The following NRP2 variants were observed in gnomAD, a reference collection of about 807,000 sequenced individuals.
NRP2 encodes neuropilin 2, also known as neuropilin-2.
NRP2 carries 52 observed loss-of-function variants against 110.4 expected under a neutral mutation model. The ratio of observed to expected loss-of-function variants is 0.47; its 90% CI spans 0.38 to 0.59. NRP2 has a LOEUF of 0.59. NRP2 is among the 20% of genes least tolerant of loss of function. NRP2 has a pLI of 0.00. For missense variants in NRP2, 1,049 were observed against 1,203.0 expected (o/e 0.87, Z 1.89); for synonymous variants, 508 against 468.9 (o/e 1.08, Z -1.08).
chr2:205,747,472 A>G (rs2057558829), intron 10 of NRP2, among the ~76,000 whole-genome samples: 1 of 152,250 alleles, frequency 6.6e-6, no homozygotes, highest in Admixed American at 6.5e-5. Context: ...CAAACCTGTT[A>G]TGATAAATAA....
intron 1 of NRP2, among the ~76,000 whole-genome samples, chr2:205,688,714 GT>G (rs1473413895): frequency 6.6e-6 from 1 of 152,104 alleles, no homozygotes; most frequent in East Asian, 1.9e-4. Context: ...CAGACCAGCT[GT>G]GCTATAAAAA....
chr2:205,683,232 A>C lies in NRP2; in HGVS notation c.-59A>C. ...GGAGGAAAATAAAAGAGAGAAAAAC[A>C]CAAAGATTTAAACAAGAAACCTACG... On this transcript the variant is annotated 5_prime_UTR_variant, in exon 1 of 17. Coordinates refer to ENST00000357785, the MANE Select transcript of NRP2 (RefSeq NM_003872.3). 1 of 1,258,346 alleles carries C rather than the reference A, an allele frequency of 7.9e-7. No individual in the cohort carries two copies. Among genetic ancestry groups the C allele is most frequent in the Non-Finnish European group, 1.2e-6 (1 of 861,918 alleles). The allele number at this position is 1,258,346 out of a possible 1,614,324, so 77.9% of individuals were successfully genotyped here.
chr2:205,731,500 A>T (rs964411977), intron 7 of NRP2, among the ~76,000 whole-genome samples: 1 of 152,146 alleles, frequency 6.6e-6, no homozygotes, highest in African/African-American at 2.4e-5. Flanking sequence ...TGCACTGGGG[A>T]TAGGCTGTGC....
At chr2:205,786,386 A>G (rs907199895) in intron 15 of NRP2, among the ~76,000 whole-genome samples, 5 of 152,192 alleles carry the variant, frequency 3.3e-5, no homozygotes, top group Non-Finnish European at 7.4e-5. Flanking sequence ...TAACTGGCCC[A>G]TGGGGTTCAG....
chr2:205,705,596 A>G (rs893335772), intron 2 of NRP2, among the ~76,000 whole-genome samples: 4 of 152,202 alleles, frequency 2.6e-5, no homozygotes, highest in African/African-American at 9.7e-5. Flanking sequence ...AAAATTAGAC[A>G]ACAATAGCAA....
At chr2:205,750,462 C>CA (rs1490299538) in intron 11 of NRP2, among the ~76,000 whole-genome samples, 4 of 152,190 alleles carry the variant, frequency 2.6e-5, no homozygotes, top group African/African-American at 9.7e-5. Context: ...ACCGTTCCCT[C>CA]AAAACTCAGG....
At chr2:205,720,183 A>G (rs1384199342) in intron 3 of NRP2, among the ~76,000 whole-genome samples, 1 of 152,214 alleles carries the variant, frequency 6.6e-6, no homozygotes, top group Non-Finnish European at 1.5e-5. Flanking sequence ...AAAACTGGAC[A>G]AAAGTTTTTC....
intron 3 of NRP2, chr2:205,722,142 A>C: frequency 2.3e-5 from 7 of 302,842 alleles, no homozygotes; most frequent in East Asian, 7.0e-5. Context: ...TTTCAAGAGA[A>C]TCCCTCTCTC....
Position 205,725,534 on chromosome 2 carries a change from C to T in NRP2, c.821-379C>T, listed in dbSNP as rs1238845731. ...GTGTTTATTAATAAAGCAGGCTTCC[C>T]ACGATGTATGAGCTCACCCAAATCG... is the stretch of plus-strand genomic sequence containing the variant. On this transcript the variant is annotated intron_variant, in intron 5 of 16. Coordinates refer to ENST00000357785, the MANE Select transcript of NRP2 (RefSeq NM_003872.3). This position sits in a 1 kb window ranked among gnomAD's most constrained non-coding sequence, Gnocchi z 4.1. 6.6e-6 allele frequency among the ~76,000 whole-genome samples: 1 copy of T among 152,180 alleles called. No individual in the cohort carries two copies. The highest frequency in any genetic ancestry group is 1.9e-4 in the East Asian group (1 of 5,204).
rs849523 is a variant in NRP2 at position 205,731,212 on chromosome 2, G to C, written c.1146+3166G>C. Among the ~76,000 whole-genome samples, 3 of 151,986 alleles carry C rather than the reference G, an allele frequency of 2.0e-5. No homozygotes were observed. In the East Asian group the frequency reaches 5.8e-4, roughly 29 times the overall value. ...CTGATGGAATCCATATCCAACCCAC[G>C]TGCTCCTTTAGATTATACAAATTGC... is the stretch of plus-strand genomic sequence containing the variant. On this transcript the variant is annotated intron_variant, in intron 7 of 16. Coordinates refer to ENST00000357785, the MANE Select transcript of NRP2 (RefSeq NM_003872.3).
chr2:205,751,046 G>A (rs2057635409), intron 11 of NRP2, among the ~76,000 whole-genome samples: 1 of 152,180 alleles, frequency 6.6e-6, no homozygotes, highest in Non-Finnish European at 1.5e-5. Flanking sequence ...ACATTTTAAT[G>A]AACTTGTTTT....
At chr2:205,782,408 G>C (rs1180031209) in intron 15 of NRP2, among the ~76,000 whole-genome samples, 1 of 152,114 alleles carries the variant, frequency 6.6e-6, no homozygotes, top group African/African-American at 2.4e-5. Flanking sequence ...GCTGCTGGAG[G>C]GAGACTTTAT....
In NRP2 at chr2:205,700,758, C is replaced by T. The variant is rs149420371; in HGVS notation, c.251+3037C>T. 270 of 518,946 alleles carry T rather than the reference C, an allele frequency of 5.2e-4. 1 individual carries two copies. Among genetic ancestry groups the T allele is most frequent in the African/African-American group, 4.5e-3 (236 of 52,090 alleles). 32.1% of individuals were successfully genotyped at this position (518,946 alleles called of 1,614,324 possible). A position where few individuals can be genotyped will look rare whatever the true frequency, so the allele number is the denominator to read the frequency against. On this transcript the variant is annotated intron_variant, in intron 2 of 16. Coordinates refer to ENST00000357785, the MANE Select transcript of NRP2 (RefSeq NM_003872.3). ...TCACAAGCCGCAGCTTTGCCTGACT[C>T]AGTGCAATCCAAGGCCACCATCTCT...
Position 205,705,950 on chromosome 2 carries a change from A to C in NRP2, c.251+8229A>C, listed in dbSNP as rs2056665679. Reference sequence around the variant, plus strand: ...CTTCCTGCCATGCAGTCACCTCCGGATGCCAGCGGGGCAGTCAAGGAGAGA... The same window carrying C: ...CTTCCTGCCATGCAGTCACCTCCGGCTGCCAGCGGGGCAGTCAAGGAGAGA... On this transcript the variant is annotated intron_variant, in intron 2 of 16. Transcript: ENST00000357785. Among the ~76,000 whole-genome samples the C allele has an allele frequency of 1.3e-5, 2 of 151,818 alleles. 1 individual carries two copies. Among genetic ancestry groups the C allele is most frequent in the South Asian group, 4.2e-4 (2 of 4,788 alleles).
chr2:205,777,055 T>C, intron 15 of NRP2: 4 of 1,000,170 alleles, frequency 4.0e-6, no homozygotes, highest in Non-Finnish European at 4.8e-6. Flanking sequence ...CCCCTTTAAC[T>C]CTTATGTTAC....
At chr2:205,761,554 TAGG>T (rs2057821919) in intron 12 of NRP2, 1 of 152,148 alleles carries the variant, frequency 6.6e-6, no homozygotes, top group South Asian at 2.1e-4. Flanking sequence ...CCAGAATAGT[TAGG>T]AGAAGAACTA....
chr2:205,752,531 T>G (rs1194790235), intron 11 of NRP2: 2 of 392,856 alleles, frequency 5.1e-6, no homozygotes, highest in African/African-American at 4.1e-5. Context: ...ATTTTCACAT[T>G]TGTCTGCTCT....
chr2:205,786,062 G>C (rs531517429), intron 15 of NRP2, among the ~76,000 whole-genome samples: 2 of 152,314 alleles, frequency 1.3e-5, no homozygotes, highest in East Asian at 3.9e-4. Flanking sequence ...GGAATGAATG[G>C]CTCTCAAGTA....
At chr2:205,778,216 A>C (rs1223381083) in intron 15 of NRP2, 1 of 143,430 alleles carries the variant, frequency 7.0e-6, no homozygotes, top group East Asian at 2.0e-4. Context: ...ACAAAATACT[A>C]ATGATTTTTT....
Sources: allele counts gnomAD v4.1 joint callset (sites outside exome capture counted in the v4.1 genomes callset), GRCh38; gene constraint gnomAD v4.1.1; non-coding constraint Gnocchi (gnomAD v3.1); transcripts MANE v1.5; gene names NCBI Gene and HGNC (gene_info 2026-07-23, HGNC 2026-07-21).